RALGAPA1: variants seen among roughly 807,000 people sequenced by gnomAD.
RALGAPA1 encodes ral GTPase-activating protein subunit alpha-1.
Under a neutral mutation model 269.6 loss-of-function variants are expected in RALGAPA1, and 52 were observed. The ratio of observed to expected loss-of-function variants is 0.19; its 90% CI spans 0.15 to 0.24. The LOEUF (loss-of-function observed/expected upper bound fraction) is 0.24, where lower values mean the gene tolerates loss of function less well. Ranked by LOEUF, RALGAPA1 falls within the 10% of genes least tolerant of loss-of-function variation. RALGAPA1 has a pLI of 1.00. For synonymous variants in RALGAPA1, 817 were observed against 1,008.3 expected (o/e 0.81, Z 3.60); for missense variants, 1,917 against 3,013.9 (o/e 0.64, Z 8.52).
intron 35 of RALGAPA1, 51 bp from the exon 36 acceptor site, chr14:35,605,760 A>T (rs2059560593): frequency 4.4e-6 from 7 of 1,578,140 alleles, no homozygotes; most frequent in East Asian, 2.3e-5. Flanking sequence ...TTATCTACTC[A>T]TTCATCCAAC....
chr14:35,586,406 T>G (rs968956292), intron 37 of RALGAPA1, among the ~76,000 whole-genome samples: 2 of 152,218 alleles, frequency 1.3e-5, no homozygotes, highest in African/African-American at 4.8e-5. Flanking sequence ...CAGGGACAAG[T>G]TGACTTCCTC....
rs907471229 is a variant in RALGAPA1 at position 35,648,590 on chromosome 14, T to C, written c.5676+3215A>G. On this transcript the variant is annotated intron_variant, in intron 31 of 41. Transcript: ENST00000680220. ...TTCAGCTCAAGCTCCTGAGCTGAAG[T>C]GACCAGCTCCTGACCAGCCTAGGCA... Among the ~76,000 whole-genome samples, 20 of 151,542 alleles carry C rather than the reference T, an allele frequency of 1.3e-4. No homozygotes were observed. The East Asian group carries it at 3.1e-3, about 24-fold the overall frequency.
chr14:35,708,531 C>G (rs1363686657), intron 16 of RALGAPA1, among the ~76,000 whole-genome samples: 1 of 152,048 alleles, frequency 6.6e-6, no homozygotes, highest in African/African-American at 2.4e-5. Context: ...CAGAGAAATG[C>G]AAATCAAAAC....
At chr14:35,627,049 GAAAAAAAAAAAA>G in intron 34 of RALGAPA1, 29 bp downstream of exon 34, 2 of 1,130,108 alleles carry the variant, frequency 1.8e-6, no homozygotes, top group Non-Finnish European at 2.3e-6. Context: ...GAATAAGACC[GAAAAAAAAAAAA>G]AAAGAAAAAA....
At chr14:35,732,072 C>T (rs896982791) in intron 12 of RALGAPA1, among the ~76,000 whole-genome samples, 1 of 152,142 alleles carries the variant, frequency 6.6e-6, no homozygotes, top group African/African-American at 2.4e-5. Flanking sequence ...GGGATTGGAG[C>T]CTTATCCTCA....
rs1228538571 is a variant in RALGAPA1, at chr14:35,728,486, T to C, written c.1612A>G (p.Ile538Val). The C allele has an allele frequency of 6.2e-7, 1 of 1,603,994 alleles. No homozygotes were observed. The highest frequency in any genetic ancestry group is 8.5e-7 in the Non-Finnish European group (1 of 1,176,732). The change falls in exon 13 of 42, where the codon ATA (isoleucine) becomes GTA (valine). Residue 538 changes from isoleucine to valine, a missense_variant. This residue lies in a region of RALGAPA1 where 462 missense variants were observed against 725.6 expected (regional missense o/e 0.64). Coordinates refer to ENST00000680220, the MANE Select transcript of RALGAPA1 (RefSeq NM_001346249.2). Reference sequence around the variant, plus strand: ...TCATTTGCAGGTTCAAGAAGAAATATATTTGATGAGTTTATAATAAACACC... The same window carrying C: ...TCATTTGCAGGTTCAAGAAGAAATACATTTGATGAGTTTATAATAAACACC... ...LQVFIINSSNIFLLEPANEIK... is the reference protein window; with the variant it reads ...LQVFIINSSNVFLLEPANEIK...
intron 1 of RALGAPA1, among the ~76,000 whole-genome samples, chr14:35,799,580 A>T (rs911659561): frequency 6.6e-5 from 10 of 152,032 alleles, no homozygotes; most frequent in Non-Finnish European, 1.5e-4. Context: ...AAAAAAAGAA[A>T]AAAGGTATAT....
chr14:35,727,338 T>C (rs1167514675), intron 13 of RALGAPA1, among the ~76,000 whole-genome samples: 2 of 144,010 alleles, frequency 1.4e-5, no homozygotes, highest in Non-Finnish European at 3.1e-5. Context: ...TATATATATA[T>C]ATATATATAG....
In RALGAPA1 at chr14:35,731,476, T is replaced by C. The variant is rs144559993; in HGVS notation, c.1588-2966A>G. On this transcript the variant is annotated intron_variant, in intron 12 of 41. Coordinates refer to ENST00000680220, the MANE Select transcript of RALGAPA1 (RefSeq NM_001346249.2). The stretch of plus-strand genomic sequence containing the variant: ...AAAGGCAAAGCCCAGTGCAAGGAAA[T>C]CCAGAAAATGATACAAGAAGTGAAG... Among the ~76,000 whole-genome samples the C allele has an allele frequency of 8.6e-3, 1,309 of 151,956 alleles. 29 individuals are homozygous for C. Among genetic ancestry groups the C allele is most frequent in the African/African-American group, 0.031 (1,265 of 41,414 alleles).
intron 41 of RALGAPA1, among the ~76,000 whole-genome samples, chr14:35,546,274 A>T (rs910466356): frequency 3.3e-5 from 5 of 152,102 alleles, no homozygotes; most frequent in Admixed American, 2.0e-4. Flanking sequence ...ATGTCACCAC[A>T]GTTGATTTGC....
intron 13 of RALGAPA1, among the ~76,000 whole-genome samples, chr14:35,725,620 C>T (rs2069825188): frequency 6.6e-6 from 1 of 151,594 alleles, no homozygotes; most frequent in Admixed American, 6.6e-5. Context: ...AGAATCATAC[C>T]AATCTCAATT....
At chr14:35,615,842 C>A (rs2060215492) in intron 35 of RALGAPA1, among the ~76,000 whole-genome samples, 1 of 152,118 alleles carries the variant, frequency 6.6e-6, no homozygotes, top group African/African-American at 2.4e-5. Flanking sequence ...ATGGGTTGAG[C>A]TCTAGACTGA....
intron 32 of RALGAPA1, 132 bp from the exon 33 acceptor site, chr14:35,634,889 T>A: frequency 1.2e-6 from 1 of 862,218 alleles, no homozygotes; most frequent in Non-Finnish European, 1.7e-6. Context: ...ACATCAGGCC[T>A]GGCACAGTGG....
Position 35,808,723 on chromosome 14 carries a change from T to C in RALGAPA1, c.106+7A>G, listed in dbSNP as rs1292338989. ...AGGCCTCGGCGCTGCCACCCCTCGC[T>C]CCTCACCGATGACGATGCGCAGGTG... On this transcript the variant is annotated splice_region_variant and intron_variant, in intron 1 of 41. Coordinates refer to ENST00000680220, the MANE Select transcript of RALGAPA1 (RefSeq NM_001346249.2). The C allele has an allele frequency of 1.2e-6, 2 of 1,610,574 alleles. No homozygotes were observed. Among genetic ancestry groups the C allele is most frequent in the Non-Finnish European group, 1.7e-6 (2 of 1,178,510 alleles).
At chr14:35,614,799 T>C (rs1452739148) in intron 35 of RALGAPA1, among the ~76,000 whole-genome samples, 2 of 152,160 alleles carry the variant, frequency 1.3e-5, no homozygotes, top group African/African-American at 4.8e-5. Flanking sequence ...TCAGTGTTTT[T>C]GCTTCTTCAG....
intron 27 of RALGAPA1, among the ~76,000 whole-genome samples, chr14:35,661,726 T>C (rs1489459173): frequency 6.6e-6 from 1 of 152,158 alleles, no homozygotes; most frequent in Non-Finnish European, 1.5e-5. Context: ...CTTAAGAGGA[T>C]CAACCTTCAA....
rs1337456931 is a variant in RALGAPA1 at position 35,668,482 on chromosome 14, C to CA, written c.5202+2906dup. Among the ~76,000 whole-genome samples, 1,219 of 126,152 alleles carry CA rather than the reference C, an allele frequency of 9.7e-3. 12 individuals carry two copies. The highest frequency in any genetic ancestry group is 0.029 in the Middle Eastern group (7 of 238). The allele number at this position is 126,152 out of a possible 152,430, so 82.8% of individuals were successfully genotyped here. ...CGAGTGACAGAGACAGATTTTGTCT[C>CA]AAAAAAAAAAAAAATGTACATTAAA... is the stretch of plus-strand genomic sequence containing the variant. On this transcript the variant is annotated intron_variant, in intron 26 of 41. Coordinates refer to ENST00000680220, the MANE Select transcript of RALGAPA1 (RefSeq NM_001346249.2).
intron 10 of RALGAPA1, among the ~76,000 whole-genome samples, chr14:35,743,285 A>G (rs960544882): frequency 6.6e-6 from 1 of 152,156 alleles, no homozygotes; most frequent in Non-Finnish European, 1.5e-5. Flanking sequence ...AAGTTAACCA[A>G]TTCATTGTCG....
chr14:35,623,305 T>G (rs925615035), intron 35 of RALGAPA1, among the ~76,000 whole-genome samples: 2 of 151,460 alleles, frequency 1.3e-5, no homozygotes, highest in African/African-American at 4.9e-5. Flanking sequence ...AGCACGAAAG[T>G]TAATCTCTCT....
Sources: allele counts gnomAD v4.1 joint callset (sites outside exome capture counted in the v4.1 genomes callset), GRCh38; gene constraint gnomAD v4.1.1; regional missense constraint gnomAD v4.1.1; transcripts MANE v1.5; gene names NCBI Gene and HGNC (gene_info 2026-07-23, HGNC 2026-07-21).